RNF32: variants seen among roughly 807,000 people sequenced by gnomAD.
RNF32 encodes ring finger protein 32.
RNF32 carries 36 observed loss-of-function variants against 41.0 expected under a neutral mutation model. The observed-to-expected ratio is 0.88, with a 90% CI of 0.67 to 1.16. The LOEUF is 1.16. Among genes scored for constraint, RNF32 ranks in the 50% most tolerant of loss-of-function variants. The pLI is 0.00. For missense variants in RNF32, 413 were observed against 436.7 expected (o/e 0.95, Z 0.48); for synonymous variants, 154 against 160.9 (o/e 0.96, Z 0.32).
At chr7:156,645,919 A>G (rs1400858580) in intron 3 of RNF32, among the ~76,000 whole-genome samples, 1 of 152,192 alleles carries the variant, frequency 6.6e-6, no homozygotes, top group African/African-American at 2.4e-5. Context: ...TTTGATTGCT[A>G]GATACTCTTT....
chr7:156,643,862 C>G lies in RNF32; in HGVS notation c.-16C>G. 1 of 1,611,324 alleles carries G rather than the reference C, an allele frequency of 6.2e-7. No individual in the cohort carries two copies. On this transcript the variant is annotated 5_prime_UTR_variant, in exon 2 of 9. Transcript: ENST00000317955. ...AGAATTTGTGATAGCCAAGCAACAACTTTTCCTAATTCGGCATGTTAAAAA... is the reference window on the plus strand; with the variant it reads ...AGAATTTGTGATAGCCAAGCAACAAGTTTTCCTAATTCGGCATGTTAAAAA...
intron 4 of RNF32, 21 bp from the exon 5 acceptor site, chr7:156,657,520 G>C (rs370380281): frequency 1.2e-6 from 2 of 1,613,770 alleles, no homozygotes; most frequent in South Asian, 1.1e-5. Context: ...CTTCAACGTC[G>C]TTCTGTTTCC....
At chr7:156,660,284 C>T in intron 7 of RNF32, 1 of 984,488 alleles carries the variant, frequency 1.0e-6, no homozygotes, top group Non-Finnish European at 1.2e-6. Flanking sequence ...TTCTCTAAAC[C>T]TCTATTGTAT....
Position 156,676,573 on chromosome 7 carries a change from A to T in RNF32, c.1007A>T (p.Glu336Val). The change falls in exon 9 of 9, where the codon GAG becomes GTG. Residue 336 changes from glutamate (E) to valine (V), a missense_variant. Glu to Val is a moderately radical substitution (Grantham distance 121). Coordinates refer to ENST00000317955, the MANE Select transcript of RNF32 (RefSeq NM_030936.4). The part of the protein sequence containing the change: ...FHHACLLALE[E>V]FSVGDRPPFH... ...CATGCGTGTCTGCTGGCACTAGAGGAGTTCTCCGTGGGAGACAGGCCTCCT... is the reference window on the plus strand; with the variant it reads ...CATGCGTGTCTGCTGGCACTAGAGGTGTTCTCCGTGGGAGACAGGCCTCCT... 6.2e-7 allele frequency: 1 copy of T among 1,614,214 alleles called. No homozygotes were observed. Among genetic ancestry groups the T allele is most frequent in the Non-Finnish European group, 8.5e-7 (1 of 1,180,024 alleles).
intron 7 of RNF32, chr7:156,660,357 A>G: frequency 1.1e-6 from 1 of 929,026 alleles, no homozygotes; most frequent in Non-Finnish European, 1.3e-6. Flanking sequence ...TCTAGCTTGT[A>G]TATTACAAAT....
intron 7 of RNF32, chr7:156,659,486 G>C (rs1800273038): frequency 1.0e-6 from 1 of 985,214 alleles, no homozygotes; most frequent in Admixed American, 6.1e-5. Context: ...TTCAGTCGTT[G>C]ACAGTCAGTT....
intron 7 of RNF32, among the ~76,000 whole-genome samples, chr7:156,664,343 C>T (rs2131565586): frequency 6.6e-6 from 1 of 152,258 alleles, no homozygotes; most frequent in East Asian, 1.9e-4. Context: ...CGCCTGTAAT[C>T]CCAGCTACTC....
Position 156,658,231 on chromosome 7 carries a change from T to A in RNF32, c.554T>A (p.Phe185Tyr). ...TRVIHDGARL[F>Y]RIKCVTRIQA... is the part of the protein sequence containing the mutation. Reference sequence around the variant, plus strand: ...GTGATACACGATGGGGCCCGCCTGTTCAGAATCAAGTGTGTGACCAGGTGA... The same window carrying A: ...GTGATACACGATGGGGCCCGCCTGTACAGAATCAAGTGTGTGACCAGGTGA... The change falls in exon 6 of 9, where the codon TTC becomes TAC. Residue 185 changes from phenylalanine to tyrosine, a missense_variant. Coordinates refer to ENST00000317955, the MANE Select transcript of RNF32 (RefSeq NM_030936.4). The A allele has an allele frequency of 6.2e-7, 1 of 1,614,206 alleles. No individual in the cohort carries two copies. Among genetic ancestry groups the A allele is most frequent in the Admixed American group, 1.7e-5 (1 of 60,020 alleles).
intron 3 of RNF32, 62 bp from the exon 4 acceptor site, chr7:156,654,514 T>G: frequency 6.8e-7 from 1 of 1,460,350 alleles, no homozygotes; most frequent in Non-Finnish European, 9.4e-7. Flanking sequence ...TCATTAAAGT[T>G]ATAGGTGGGT....
chr7:156,657,661 G>A (rs1799928846), intron 5 of RNF32, 88 bp downstream of exon 5: 2 of 1,265,584 alleles, frequency 1.6e-6, no homozygotes, highest in South Asian at 2.4e-5. Context: ...GGCTCCTAAG[G>A]AGAGCCATTT....
Position 156,644,629 on chromosome 7 carries a change from A to T in RNF32, c.146A>T (p.Asn49Ile), listed in dbSNP as rs747796296. The T allele has an allele frequency of 6.2e-6, 10 of 1,613,554 alleles. No individual in the cohort carries two copies. Among genetic ancestry groups the T allele is most frequent in the Non-Finnish European group, 6.8e-6 (8 of 1,179,520 alleles). Residue 49 changes from asparagine to isoleucine, a missense_variant, in exon 3 of 9, where the codon AAC (asparagine) becomes ATC (isoleucine). By Grantham distance (149) the Asn-to-Ile change is moderately radical. Transcript: ENST00000317955. ...AAGACACAAGTACAAAAGAAAGAGA[A>T]CAAATCTCTAAAAAGAGATACAAAG... ...HSKTQVQKKE[N>I]KSLKRDTKAI...
At chr7:156,654,919 T>C (rs1799369115) in intron 4 of RNF32, 1 of 487,612 alleles carries the variant, frequency 2.1e-6, no homozygotes, top group African/African-American at 1.9e-5. Context: ...GTTTGTTTAC[T>C]AACTGGTATT....
At chr7:156,640,676 G>C (rs907766990), upstream of RNF32, 3 of 326,514 alleles carry the variant, frequency 9.2e-6, no homozygotes, top group African/African-American at 7.0e-5. Context: ...GGCGGGGCGG[G>C]GCAGGGCTGG....
chr7:156,657,858 T>C (rs1275100376), intron 5 of RNF32, among the ~76,000 whole-genome samples: 3 of 152,202 alleles, frequency 2.0e-5, no homozygotes, highest in African/African-American at 7.2e-5. Context: ...TGTGGCCCCA[T>C]ACACACGCGT....
intron 7 of RNF32, among the ~76,000 whole-genome samples, chr7:156,671,839 A>AT (rs1165694597): frequency 1.5e-5 from 2 of 130,606 alleles, no homozygotes; most frequent in South Asian, 2.3e-4. Flanking sequence ...GCTAGAAATA[A>AT]ATTTTTTTTA....
intron 3 of RNF32, among the ~76,000 whole-genome samples, chr7:156,651,672 G>A (rs1009464573): frequency 6.6e-6 from 1 of 152,090 alleles, no homozygotes. Flanking sequence ...TTACAATTCC[G>A]TGACTTCACT....
chr7:156,673,625 C>A lies in RNF32; in HGVS notation c.685-2071C>A, dbSNP rs187210266. ...ACACAGGTGCCTGGAAGATCCTCAG[C>A]CACCCCCTTCATTCAAACCCCAACC... On this transcript the variant is annotated intron_variant, in intron 7 of 8. Coordinates refer to ENST00000317955, the MANE Select transcript of RNF32 (RefSeq NM_030936.4). Among the ~76,000 whole-genome samples the A allele has an allele frequency of 2.7e-3, 408 of 152,306 alleles. 1 individual carries two copies. Among genetic ancestry groups the A allele is most frequent in the Admixed American group, 5.6e-3 (85 of 15,302 alleles).
intron 7 of RNF32, 91 bp downstream of exon 7, chr7:156,658,661 G>A: frequency 1.1e-6 from 1 of 875,374 alleles, no homozygotes. Context: ...GTAAAACTTT[G>A]AGACTTACTT....
Position 156,644,663 on chromosome 7 carries a change from A to C in RNF32, c.180A>C (p.Ile60=). The change falls in exon 3 of 9, where the codon ATA becomes ATC. Residue 60 remains isoleucine (I), a synonymous_variant. Coordinates refer to ENST00000317955, the MANE Select transcript of RNF32 (RefSeq NM_030936.4). ...KSLKRDTKAI[I]DTGLKKTTQC... ...TAAAAAGAGATACAAAGGCAATAAT[A>C]GATACTGGACTTAAAAAAACTACAC... is the stretch of plus-strand genomic sequence containing the variant. 2 of 1,612,998 alleles carry C rather than the reference A, an allele frequency of 1.2e-6. No homozygotes were observed. The highest frequency in any genetic ancestry group is 1.7e-6 in the Non-Finnish European group (2 of 1,179,044).
Sources: gnomAD v4.1 joint callset for allele counts (sites outside exome capture counted in the v4.1 genomes callset) on GRCh38, gnomAD v4.1.1 for gene constraint, MANE v1.5 for transcripts, NCBI Gene and HGNC (gene_info 2026-07-23, HGNC 2026-07-21) for gene names.